SDAD1: variants seen among roughly 807,000 people sequenced by gnomAD.
SDAD1 encodes SDA1 domain containing 1.
A neutral mutation model predicts 100.3 loss-of-function variants in SDAD1; 79 were observed. The observed-to-expected ratio is 0.79, with a 90% CI of 0.66 to 0.95. The LOEUF is 0.95. SDAD1 is among the 40% of genes least tolerant of loss of function. SDAD1 has a pLI of 0.00. For synonymous variants in SDAD1, 267 were observed against 271.4 expected (o/e 0.98, Z 0.16); for missense variants, 790 against 810.9 (o/e 0.97, Z 0.31).
chr4:75,957,723 A>G lies in SDAD1; in HGVS notation c.1579-15T>C. 6.2e-7 allele frequency: 1 copy of G among 1,614,058 alleles called. No homozygotes were observed. The highest frequency in any genetic ancestry group is 8.5e-7 in the Non-Finnish European group (1 of 1,179,908). ...AGCTTCTTGGACTTGAAACCACACA[A>G]GGGCTTAAATGGCTACCAGCTCAAG... On this transcript the variant is annotated splice_polypyrimidine_tract_variant and intron_variant, in intron 18 of 21. Transcript: ENST00000356260.
intron 21 of SDAD1, among the ~76,000 whole-genome samples, chr4:75,955,739 A>C (rs1330872322): frequency 2.0e-5 from 3 of 152,212 alleles, no homozygotes; most frequent in African/African-American, 7.2e-5. Context: ...CTGGTCCCAC[A>C]GCTGAGTCTC....
chr4:75,958,470 A>G (rs1729032333), intron 17 of SDAD1, among the ~76,000 whole-genome samples: 1 of 152,220 alleles, frequency 6.6e-6, no homozygotes, highest in Non-Finnish European at 1.5e-5. Flanking sequence ...AAGACACCTC[A>G]ATAAAAAGGT....
intron 13 of SDAD1, among the ~76,000 whole-genome samples, chr4:75,964,653 T>C (rs1197074656): frequency 6.6e-6 from 1 of 152,048 alleles, no homozygotes; most frequent in Non-Finnish European, 1.5e-5. Flanking sequence ...GTGGGAAAAA[T>C]GACCCTTGTT....
Position 75,954,381 on chromosome 4 carries a change from C to CA in SDAD1, c.2016+1593dup, listed in dbSNP as rs756922724. ...TGGGTGACAGAGCGAGACTCTGTCT[C>CA]AAAAAAAAAAAAAAGAGAAAAGTAC... On this transcript the variant is annotated intron_variant, in intron 21 of 21. Coordinates refer to ENST00000356260, the MANE Select transcript of SDAD1 (RefSeq NM_018115.4). Among the ~76,000 whole-genome samples, 465 of 110,770 alleles carry CA rather than the reference C, an allele frequency of 4.2e-3. 2 individuals carry two copies. The highest frequency in any genetic ancestry group is 9.4e-3 in the East Asian group (36 of 3,828). The allele number at this position is 110,770 out of a possible 152,430, so 72.7% of individuals were successfully genotyped here.
At chr4:75,968,346 G>A (rs369521567) in intron 11 of SDAD1, among the ~76,000 whole-genome samples, 29 of 152,120 alleles carry the variant, frequency 1.9e-4, no homozygotes, top group African/African-American at 5.8e-4. Flanking sequence ...CATTTTCAAC[G>A]TGATATATGT....
intron 10 of SDAD1, 107 bp from the exon 11 acceptor site, chr4:75,969,506 A>C: frequency 1.5e-6 from 1 of 680,570 alleles, no homozygotes; most frequent in Non-Finnish European, 2.5e-6. Flanking sequence ...ATAGACTGAC[A>C]AACAGGTGAA....
At chr4:75,955,920 G>A in intron 21 of SDAD1, 55 bp downstream of exon 21, 4 of 1,534,128 alleles carry the variant, frequency 2.6e-6, no homozygotes, top group Non-Finnish European at 3.5e-6. Context: ...CAAATGTAAA[G>A]CTGTCTTGGA....
chr4:75,961,973 T>A (rs141244891), intron 14 of SDAD1, among the ~76,000 whole-genome samples: 1,881 of 152,334 alleles, frequency 0.012, 15 homozygotes, highest in Middle Eastern at 0.034. Flanking sequence ...TATGTATACA[T>A]GTGTCATGTT....
chr4:75,970,904 C>G (rs1729834863), intron 9 of SDAD1, among the ~76,000 whole-genome samples: 2 of 152,216 alleles, frequency 1.3e-5, no homozygotes, highest in African/African-American at 4.8e-5. Flanking sequence ...CCTCCCCCAC[C>G]ATGCAGAACT....
At chr4:75,981,298 G>C in intron 3 of SDAD1, 74 bp downstream of exon 3, 1 of 1,353,706 alleles carries the variant, frequency 7.4e-7, no homozygotes, top group Non-Finnish European at 1.0e-6. Flanking sequence ...CTTAGAGGCT[G>C]TTCTCATTTA....
intron 1 of SDAD1, among the ~76,000 whole-genome samples, chr4:75,985,823 A>C (rs1350633150): frequency 6.6e-6 from 1 of 151,982 alleles, no homozygotes; most frequent in Non-Finnish European, 1.5e-5. Context: ...CACATCTCTT[A>C]TTTTCCAAAC....
chr4:75,963,182 G>A (rs989620973), intron 14 of SDAD1, among the ~76,000 whole-genome samples: 4 of 152,072 alleles, frequency 2.6e-5, no homozygotes, highest in African/African-American at 9.7e-5. Context: ...TGTCAGGTTT[G>A]TCAAAGAACA....
chr4:75,977,597 T>C, intron 4 of SDAD1, 49 bp downstream of exon 4: 1 of 1,193,936 alleles, frequency 8.4e-7, no homozygotes, highest in Non-Finnish European at 1.2e-6. Context: ...CAACAAAATT[T>C]TATGTCGCCT....
rs1215393109 is a variant in SDAD1 at position 75,972,916 on chromosome 4, G to A, written c.711+401C>T. 1.3e-4 allele frequency among the ~76,000 whole-genome samples: 20 copies of A among 152,066 alleles called. 1 individual carries two copies. The South Asian group carries it at 3.5e-3, about 27-fold the overall frequency. On this transcript the variant is annotated intron_variant, in intron 8 of 21. Coordinates refer to ENST00000356260, the MANE Select transcript of SDAD1 (RefSeq NM_018115.4). ...GGTGCCTGTAGTCCCAGCTACTCGGGAGGCTGAGGCAGGAGAACGGCATGA... is the reference window on the plus strand; with the variant it reads ...GGTGCCTGTAGTCCCAGCTACTCGGAAGGCTGAGGCAGGAGAACGGCATGA...
At chr4:75,974,997 A>T (rs1280998366) in intron 6 of SDAD1, among the ~76,000 whole-genome samples, 2 of 152,056 alleles carry the variant, frequency 1.3e-5, no homozygotes, top group Non-Finnish European at 2.9e-5. Context: ...AGCCAAGATC[A>T]TGCCACTGCA....
chr4:75,967,236 T>C, intron 12 of SDAD1, 41 bp downstream of exon 12: 1 of 1,589,990 alleles, frequency 6.3e-7, no homozygotes, highest in Non-Finnish European at 8.6e-7. Flanking sequence ...GTTTATTCTA[T>C]TACCAAGGCC....
At chr4:75,976,574 G>T (rs1730169838) in intron 4 of SDAD1, among the ~76,000 whole-genome samples, 1 of 152,150 alleles carries the variant, frequency 6.6e-6, no homozygotes, top group African/African-American at 2.4e-5. Flanking sequence ...AAGGGATGAG[G>T]AACAGGATTA....
chr4:75,961,278 T>G lies in SDAD1; in HGVS notation c.1212A>C (p.Arg404=), dbSNP rs1729215513. 1 of 1,613,910 alleles carries G rather than the reference T, an allele frequency of 6.2e-7. No homozygotes were observed. Among genetic ancestry groups the G allele is most frequent in the Admixed American group, 1.7e-5 (1 of 59,990 alleles). Residue 404 remains arginine (R), a synonymous_variant, in exon 15 of 22, where the codon CGA becomes CGC. Transcript: ENST00000356260. The part of the protein sequence containing the change: ...GINAIKEITA[R]CPLAMTEELL... ...GTTCTTCAGTCATGGCCAGAGGACA[T>G]CGAGCTGTTATCTCCTTTATAGCAT... is the stretch of plus-strand genomic sequence containing the variant.
Position 75,975,761 on chromosome 4 carries a change from G to A in SDAD1, c.561C>T (p.Leu187=). The change falls in exon 6 of 22, where the codon CTC becomes CTT. Residue 187 remains leucine, a synonymous_variant. Transcript: ENST00000356260. The stretch of plus-strand genomic sequence containing the variant: ...TACACTACCAGATGTTCCTTCTGTA[G>A]AGTTCAATCATTACATCTAAAGACA... ...AKMSLDVMIE[L]YRRNIWNDAK... 1 of 1,611,770 alleles carries A rather than the reference G, an allele frequency of 6.2e-7. No individual in the cohort carries two copies. Among genetic ancestry groups the A allele is most frequent in the Non-Finnish European group, 8.5e-7 (1 of 1,177,906 alleles).
Sources: gnomAD v4.1 joint callset for allele counts (sites outside exome capture counted in the v4.1 genomes callset) on GRCh38, gnomAD v4.1.1 for gene constraint, MANE v1.5 for transcripts, NCBI Gene and HGNC (gene_info 2026-07-23, HGNC 2026-07-21) for gene names.